FAIM2: variants seen among roughly 807,000 people sequenced by gnomAD.
The protein encoded by FAIM2 is protein lifeguard 2.
Under a neutral mutation model 47.4 loss-of-function variants are expected in FAIM2, and 27 were observed. That is an observed-to-expected ratio of 0.57 (90% CI 0.42 to 0.78). The LOEUF (loss-of-function observed/expected upper bound fraction) is 0.78. Among genes scored for constraint, FAIM2 ranks in the 30% least tolerant of loss-of-function variants. The pLI is 0.00. For missense variants in FAIM2, 311 were observed against 389.4 expected, an observed-to-expected ratio of 0.80 and a Z score of 1.69; for synonymous variants, 156 against 159.3, an observed-to-expected ratio of 0.98 and a Z score of 0.16.
chr12:49,896,075 G>A (rs1946935055), intron 5 of FAIM2, among the ~76,000 whole-genome samples: 1 of 152,176 alleles, frequency 6.6e-6, no homozygotes, highest in Admixed American at 6.5e-5. Context: ...CCCCTGATGT[G>A]GGCTGCGTGT....
At chr12:49,876,898 C>A (rs1010665612) in intron 11 of FAIM2, among the ~76,000 whole-genome samples, 9 of 152,118 alleles carry the variant, frequency 5.9e-5, no homozygotes, top group Non-Finnish European at 1.5e-5. Context: ...GCAGGTTAGC[C>A]CCATTTTAAA....
At chr12:49,885,779 G>T (rs1394688255) in intron 11 of FAIM2, among the ~76,000 whole-genome samples, 3 of 152,134 alleles carry the variant, frequency 2.0e-5, no homozygotes, top group Admixed American at 2.0e-4. Context: ...CAAGCCTGGA[G>T]GTCATTTATT....
intron 11 of FAIM2, among the ~76,000 whole-genome samples, chr12:49,875,800 C>A (rs1480932707): frequency 6.6e-6 from 1 of 152,006 alleles, no homozygotes; most frequent in African/African-American, 2.4e-5. Context: ...CACGATGAAA[C>A]CCCCGTCTCT....
At position 49,889,681 on chromosome 12, in the gene FAIM2, A is replaced by T. The variant is rs1946885911; in HGVS notation, c.564-113T>A. The T allele has an allele frequency of 4.7e-6, 4 of 852,044 alleles. No homozygotes were observed. In the South Asian group the frequency reaches 6.2e-5, roughly 13 times the overall value. 52.8% of individuals were successfully genotyped at this position (852,044 alleles called of 1,614,324 possible). The stretch of plus-strand genomic sequence containing the variant: ...ACCTGGTCTTGGGATCCCTGGCCCC[A>T]GTCTGGTGCCCTTTCCCCAGATCCC... On this transcript the variant is annotated intron_variant, in intron 8 of 11. Transcript: ENST00000320634.
intron 8 of FAIM2, among the ~76,000 whole-genome samples, chr12:49,889,914 C>G (rs571643393): frequency 3.3e-5 from 5 of 152,236 alleles, no homozygotes; most frequent in African/African-American, 7.2e-5. Context: ...CTCCCCACCC[C>G]CTATCCACCG....
chr12:49,889,863 T>A (rs780796918), intron 8 of FAIM2, among the ~76,000 whole-genome samples: 1 of 151,722 alleles, frequency 6.6e-6, no homozygotes, highest in Non-Finnish European at 1.5e-5. Flanking sequence ...AGGTCATGAG[T>A]CTTGGGGCTT....
chr12:49,891,807 G>A (rs560258533), intron 5 of FAIM2, among the ~76,000 whole-genome samples: 17 of 152,314 alleles, frequency 1.1e-4, no homozygotes, highest in Admixed American at 9.8e-4. Flanking sequence ...AGGTGGCCAC[G>A]TCCAGTGGGA....
At chr12:49,872,158 T>G (rs1034676781) in intron 11 of FAIM2, among the ~76,000 whole-genome samples, 2 of 151,986 alleles carry the variant, frequency 1.3e-5, no homozygotes, top group Non-Finnish European at 2.9e-5. Context: ...GTGCCTGCCT[T>G]GGGGAAGCTC....
At chr12:49,870,770 G>T in intron 11 of FAIM2, 117 bp from the exon 12 acceptor site, 1 of 949,132 alleles carries the variant, frequency 1.1e-6, no homozygotes, top group Non-Finnish European at 1.6e-6. Flanking sequence ...CTCACCAGCT[G>T]CCTGACTACC....
At chr12:49,884,770 C>T (rs1056874396) in intron 11 of FAIM2, among the ~76,000 whole-genome samples, 30 of 152,274 alleles carry the variant, frequency 2.0e-4, no homozygotes, top group African/African-American at 6.5e-4. Context: ...GTCAGGAGAT[C>T]GAGACCATCC....
chr12:49,884,943 C>T (rs1946851124), intron 11 of FAIM2, among the ~76,000 whole-genome samples: 1 of 152,154 alleles, frequency 6.6e-6, no homozygotes, highest in African/African-American at 2.4e-5. Context: ...TACTGCACTC[C>T]AGCCTGGGCG....
At chr12:49,897,767 C>A (rs1015528771) in intron 3 of FAIM2, among the ~76,000 whole-genome samples, 184 bp from the exon 4 acceptor site, 3 of 151,868 alleles carry the variant, frequency 2.0e-5, no homozygotes, top group Non-Finnish European at 4.4e-5. Flanking sequence ...CAAGCGCACC[C>A]CCCCCCAGCA....
rs1946719740 is a variant in FAIM2, at chr12:49,874,017, G to T, written c.802-3364C>A. Among the ~76,000 whole-genome samples the T allele has an allele frequency of 6.6e-6, 1 of 152,228 alleles. No homozygotes were observed. Among genetic ancestry groups the T allele is most frequent in the African/African-American group, 2.4e-5 (1 of 41,460 alleles). ...GAAAGTCATCTGCTGCTATCTCCTTGGAGATGGAAAGCATTGTTAACTAAT... is the reference window on the plus strand; with the variant it reads ...GAAAGTCATCTGCTGCTATCTCCTTTGAGATGGAAAGCATTGTTAACTAAT... On this transcript the variant is annotated intron_variant, in intron 11 of 11. Transcript: ENST00000320634. The surrounding 1 kb of genome is among the most constrained non-coding windows in gnomAD (Gnocchi z 4.2).
chr12:49,876,491 C>T (rs945301868), intron 11 of FAIM2, among the ~76,000 whole-genome samples: 6 of 152,096 alleles, frequency 3.9e-5, no homozygotes, highest in Middle Eastern at 3.4e-3. Context: ...GGGCTGGGTG[C>T]GGTGGCTTAC....
chr12:49,891,464 G>A (rs747866809), intron 5 of FAIM2, among the ~76,000 whole-genome samples: 3 of 152,116 alleles, frequency 2.0e-5, no homozygotes, highest in Admixed American at 6.5e-5. Context: ...AGTGTTTTAC[G>A]AGTATCAACG....
At chr12:49,880,496 G>GTGTGTGTGTA (rs1555158557) in intron 11 of FAIM2, among the ~76,000 whole-genome samples, 1 of 149,486 alleles carries the variant, frequency 6.7e-6, no homozygotes, top group Non-Finnish European at 1.5e-5. Flanking sequence ...GCATGTGTAT[G>GTGTGTGTGTA]TGTGTGTATG....
At chr12:49,880,354 GTA>G (rs1262111534) in intron 11 of FAIM2, among the ~76,000 whole-genome samples, 2 of 147,946 alleles carry the variant, frequency 1.4e-5, no homozygotes, top group Non-Finnish European at 3.0e-5. Flanking sequence ...GTATGTGCAT[GTA>G]TGTATATGTG....
rs535325537 is a variant in FAIM2, at chr12:49,872,441, C to T, written c.802-1788G>A. Reference sequence around the variant, plus strand: ...AGGAAGGGATTGGGGCTTGCCCTTGCAGCTTGCACTCTGCTTGGTAGACAG... The same window carrying T: ...AGGAAGGGATTGGGGCTTGCCCTTGTAGCTTGCACTCTGCTTGGTAGACAG... On this transcript the variant is annotated intron_variant, in intron 11 of 11. Transcript: ENST00000320634. 4.7e-4 allele frequency among the ~76,000 whole-genome samples: 71 copies of T among 152,334 alleles called. 1 individual carries two copies. Among genetic ancestry groups the T allele is most frequent in the African/African-American group, 1.6e-3 (67 of 41,578 alleles).
At chr12:49,891,168 C>T in intron 5 of FAIM2, 54 bp from the exon 6 acceptor site, 1 of 1,540,474 alleles carries the variant, frequency 6.5e-7, no homozygotes, top group Non-Finnish European at 9.0e-7. Context: ...GGTCCCTCCC[C>T]CAAGATCCCC....
Sources: allele counts gnomAD v4.1 joint callset (sites outside exome capture counted in the v4.1 genomes callset), GRCh38; gene constraint gnomAD v4.1.1; non-coding constraint Gnocchi (gnomAD v3.1); transcripts MANE v1.5; gene names NCBI Gene and HGNC (gene_info 2026-07-23, HGNC 2026-07-21).